Variants in PTPRS observed in about 807,000 individuals in gnomAD.
PTPRS encodes protein tyrosine phosphatase receptor type S.
In PTPRS, 63 loss-of-function variants were observed where a neutral mutation model predicts 215.3. That is an observed-to-expected ratio of 0.29 (90% CI 0.24 to 0.36). The LOEUF is 0.36. Among genes scored for constraint, PTPRS ranks in the 10% least tolerant of loss-of-function variants. The pLI is 1.00. For missense variants in PTPRS, 2,258 were observed against 2,825.8 expected (o/e 0.80, Z 4.56); for synonymous variants, 1,404 against 1,191.4 (o/e 1.18, Z -3.68).
intron 2 of PTPRS, among the ~76,000 whole-genome samples, chr19:5,274,654 G>A (rs1169793928): frequency 1.7e-5 from 1 of 60,384 alleles, no homozygotes; most frequent in African/African-American, 6.3e-5. Context: ...ACCTCACCTG[G>A]GCACACCTGC....
intron 29 of PTPRS, 22 bp downstream of exon 29, chr19:5,214,537 AGG>A: frequency 6.2e-7 from 1 of 1,612,128 alleles, no homozygotes; most frequent in Non-Finnish European, 8.5e-7. Flanking sequence ...CAGGGGCTTG[AGG>A]GCCGTGGGGT....
chr19:5,273,247 C>T lies in PTPRS; in HGVS notation c.379+195G>A, dbSNP rs1431045787. ...TTCTAGTCTCTCAATTCCTTTCTTT[C>T]TTGCAAAGGCACAATAAATCCCCAC... On this transcript the variant is annotated intron_variant, in intron 4 of 37. Transcript: ENST00000262963. 2.1e-5 allele frequency: 14 copies of T among 667,112 alleles called. No individual in the cohort carries two copies. The East Asian group carries it at 2.7e-4, about 13-fold the overall frequency. 41.3% of individuals were successfully genotyped at this position (667,112 alleles called of 1,614,324 possible).
intron 4 of PTPRS, among the ~76,000 whole-genome samples, chr19:5,269,921 C>CAAAAAA (rs33953639): frequency 3.6e-5 from 3 of 82,622 alleles, no homozygotes; most frequent in African/African-American, 4.9e-5. Context: ...AACTCCATCT[C>CAAAAAA]AAAAAAAAAA....
chr19:5,240,235 G>A lies in PTPRS; in HGVS notation c.1668C>T (p.Tyr556=), dbSNP rs776829733. ...GGTCGCCTTCCCGGAAGAGGAGCTC[G>A]TACTTGATGATACTCTCCTGCCGCG... ...SPPRQESIIK[Y]ELLFREGDHG... is the part of the protein sequence containing the mutation. Residue 556 remains tyrosine (Y), a synonymous_variant, in exon 12 of 38, where the codon TAC becomes TAT. Coordinates refer to ENST00000262963, the MANE Select transcript of PTPRS (RefSeq NM_002850.4). 5.1e-6 allele frequency: 8 copies of A among 1,566,458 alleles called. No homozygotes were observed. The highest frequency in any genetic ancestry group is 1.2e-5 in the South Asian group (1 of 84,776).
rs1053887400 is a variant in PTPRS at position 5,237,115 on chromosome 19, C to T, written c.1849+1804G>A. Among the ~76,000 whole-genome samples, 5 of 152,184 alleles carry T rather than the reference C, an allele frequency of 3.3e-5. No homozygotes were observed. The highest frequency in any genetic ancestry group is 5.9e-5 in the Non-Finnish European group (4 of 68,030). On this transcript the variant is annotated intron_variant, in intron 13 of 37. Coordinates refer to ENST00000262963, the MANE Select transcript of PTPRS (RefSeq NM_002850.4). This position sits in a 1 kb window ranked among gnomAD's most constrained non-coding sequence, Gnocchi z 4.2. ...CGAGCGCTGAGCTACAAGGCCAGAC[C>T]GAACTCTTGGTGGGTCTCAGGATGC...
chr19:5,311,078 C>T (rs2049686454), intron 1 of PTPRS, among the ~76,000 whole-genome samples: 3 of 152,126 alleles, frequency 2.0e-5, no homozygotes, highest in Admixed American at 2.0e-4. Context: ...CGGGGTTTTA[C>T]CCTGTTGGCC....
intron 1 of PTPRS, among the ~76,000 whole-genome samples, chr19:5,311,487 A>G (rs890826382): frequency 1.4e-4 from 21 of 152,290 alleles, no homozygotes; most frequent in African/African-American, 4.6e-4. Flanking sequence ...TGGGCCCAGA[A>G]AGGACACGAC....
At chr19:5,286,324 G>A in intron 1 of PTPRS, 90 bp from the exon 2 acceptor site, 2 of 648,576 alleles carry the variant, frequency 3.1e-6, no homozygotes, top group Non-Finnish European at 5.5e-6. Flanking sequence ...CATGGAGCAG[G>A]GGAGGGTCCT....
intron 1 of PTPRS, among the ~76,000 whole-genome samples, chr19:5,309,745 G>A (rs2049632527): frequency 6.6e-6 from 1 of 152,056 alleles, no homozygotes; most frequent in South Asian, 2.1e-4. Flanking sequence ...GGAGAAGCCA[G>A]CCAACCCTTC....
intron 2 of PTPRS, chr19:5,277,807 C>G: frequency 1.3e-6 from 1 of 751,906 alleles, no homozygotes; most frequent in South Asian, 1.3e-5. Flanking sequence ...CGGCACCAGT[C>G]AGACCAATAT....
rs1255737499 is a variant in PTPRS, at chr19:5,237,094, C to T, written c.1849+1825G>A. 1.3e-5 allele frequency among the ~76,000 whole-genome samples: 2 copies of T among 152,186 alleles called. No homozygotes were observed. Among genetic ancestry groups the T allele is most frequent in the Admixed American group, 6.5e-5 (1 of 15,274 alleles). ...TCTTACGAGAGAGGGAACGGCCGAGCGCTGAGCTACAAGGCCAGACCGAAC... is the reference window on the plus strand; with the variant it reads ...TCTTACGAGAGAGGGAACGGCCGAGTGCTGAGCTACAAGGCCAGACCGAAC... On this transcript the variant is annotated intron_variant, in intron 13 of 37. Coordinates refer to ENST00000262963, the MANE Select transcript of PTPRS (RefSeq NM_002850.4). This position sits in a 1 kb window ranked among gnomAD's most constrained non-coding sequence, Gnocchi z 4.2.
intron 1 of PTPRS, among the ~76,000 whole-genome samples, chr19:5,326,072 A>T (rs2050158744): frequency 6.6e-6 from 1 of 152,156 alleles, no homozygotes. Flanking sequence ...CACTACCAAA[A>T]ATACAAAAAT....
intron 20 of PTPRS, 72 bp from the exon 21 acceptor site, chr19:5,220,425 C>T (rs45479500): frequency 0.1 from 128,486 of 1,258,914 alleles, 8,249 homozygotes; most frequent in African/African-American, 0.29. Context: ...TGGGGGCAAA[C>T]GGGGGAAGCC....
At chr19:5,220,969 C>T (rs1351285447) in intron 20 of PTPRS, 31 bp downstream of exon 20, 1 of 1,576,368 alleles carries the variant, frequency 6.3e-7, no homozygotes. Context: ...ATGGGGGTGA[C>T]AAGGAACCCG....
In PTPRS at chr19:5,229,472, GC is replaced by G; in HGVS notation, c.2349+18del. ...CCGCCCGGAGCCCGTCCCCGGCCCCGCCCCGGCCCCCCGCCCACCTGGGCAT... is the reference window on the plus strand; with the variant it reads ...CCGCCCGGAGCCCGTCCCCGGCCCCGCCCGGCCCCCCGCCCACCTGGGCAT... On this transcript the variant is annotated intron_variant, in intron 15 of 37. Coordinates refer to ENST00000262963, the MANE Select transcript of PTPRS (RefSeq NM_002850.4). 2 of 1,170,558 alleles carry G rather than the reference GC, an allele frequency of 1.7e-6. No individual in the cohort carries two copies. The highest frequency in any genetic ancestry group is 2.3e-6 in the Non-Finnish European group (2 of 873,566). The allele number at this position is 1,170,558 out of a possible 1,614,324, so 72.5% of individuals were successfully genotyped here. A position where few individuals can be genotyped will look rare whatever the true frequency, so the allele number is the denominator to read the frequency against.
chr19:5,291,548 C>A (rs759050721), intron 1 of PTPRS, among the ~76,000 whole-genome samples: 12 of 152,120 alleles, frequency 7.9e-5, no homozygotes, highest in Non-Finnish European at 1.3e-4. Context: ...CCTGTGCTCG[C>A]TGCTCTGGGC....
intron 12 of PTPRS, 68 bp from the exon 13 acceptor site, chr19:5,239,131 A>T: frequency 9.8e-6 from 9 of 918,192 alleles, no homozygotes; most frequent in East Asian, 3.8e-5. Context: ...AACAAAGGGG[A>T]GAGAGAGAGA....
chr19:5,228,345 G>GAAAAAAAAAAAAAAAAAAAAAAAAAA (rs1491502602), intron 16 of PTPRS, among the ~76,000 whole-genome samples: 3 of 33,244 alleles, frequency 9.0e-5, no homozygotes, highest in African/African-American at 2.9e-4. Context: ...ACTCCGTCTG[G>GAAAAAAAAAAAAAAAAAAAAAAAAAA]AGAAAAAAAA....
At chr19:5,269,921 C>CAA (rs33953639) in intron 4 of PTPRS, among the ~76,000 whole-genome samples, 35,418 of 82,462 alleles carry the variant, frequency 0.43, 7,265 homozygotes, top group East Asian at 0.63. Context: ...AACTCCATCT[C>CAA]AAAAAAAAAA....
Sources: allele counts gnomAD v4.1 joint callset (sites outside exome capture counted in the v4.1 genomes callset), GRCh38; gene constraint gnomAD v4.1.1; non-coding constraint Gnocchi (gnomAD v3.1); transcripts MANE v1.5; gene names NCBI Gene and HGNC (gene_info 2026-07-23, HGNC 2026-07-21).